TLN1: variants seen among roughly 807,000 people sequenced by gnomAD.
The protein encoded by TLN1 is talin-1.
A neutral mutation model predicts 292.3 loss-of-function variants in TLN1; 56 were observed. That is an observed-to-expected ratio of 0.19 (90% confidence interval 0.15 to 0.24). The LOEUF is 0.24. TLN1 is among the 10% of genes least tolerant of loss of function. TLN1 has a pLI of 1.00. For missense variants in TLN1, 2,433 were observed against 3,248.2 expected, an observed-to-expected ratio of 0.75 and a Z score of 6.10; for synonymous variants, 1,119 against 1,253.7, an observed-to-expected ratio of 0.89 and a Z score of 2.27.
chr9:35,715,077 C>T lies in TLN1; in HGVS notation c.2736G>A (p.Lys912=). The change falls in exon 21 of 57, where the codon AAG becomes AAA. Residue 912 remains lysine (K), a synonymous_variant. Transcript: ENST00000314888. ...NAAAQNAIKK[K]LVQRLEHAAK... is the part of the protein sequence containing the mutation. ...GCCTCACCTCCAGGCGCTGCACCAGCTTTTTCTTGATGGCATTCTGCGCAG... is the reference window on the plus strand; with the variant it reads ...GCCTCACCTCCAGGCGCTGCACCAGTTTTTTCTTGATGGCATTCTGCGCAG... 6.2e-7 allele frequency: 1 copy of T among 1,613,140 alleles called. No homozygotes were observed. The highest frequency in any genetic ancestry group is 8.5e-7 in the Non-Finnish European group (1 of 1,180,048).
Position 35,710,985 on chromosome 9 carries a change from C to G in TLN1, c.4113+4G>C. On this transcript the variant is annotated splice_donor_region_variant and intron_variant, in intron 31 of 56. Transcript: ENST00000314888. ...TCAATGCCATCAGCCTGCCATGTGT[C>G]TACCTCCAATTCCCGCAGGGCGTTA... 6.2e-7 allele frequency: 1 copy of G among 1,614,206 alleles called. No individual in the cohort carries two copies. Among genetic ancestry groups the G allele is most frequent in the Non-Finnish European group, 8.5e-7 (1 of 1,180,034 alleles).
At position 35,704,524 on chromosome 9, in the gene TLN1, C is replaced by T. The variant is rs538258188; in HGVS notation, c.5881-26G>A. On this transcript the variant is annotated intron_variant, in intron 44 of 56. Transcript: ENST00000314888. This position sits in a 1 kb window ranked among gnomAD's most constrained non-coding sequence, Gnocchi z 6.9. Reference sequence around the variant, plus strand: ...CTGGGTAGGGAATGTCACATGGTGACTGTGGAAGGTGCCATGTGAAATGGA... The same window carrying T: ...CTGGGTAGGGAATGTCACATGGTGATTGTGGAAGGTGCCATGTGAAATGGA... 6.3e-7 allele frequency: 1 copy of T among 1,591,476 alleles called. No homozygotes were observed.
chr9:35,724,026 A>G lies in TLN1; in HGVS notation c.708T>C (p.Cys236=). Reference sequence around the variant, plus strand: ...TCTGGCATTGGAAGCCAGCAAACTCACAGGCCTTGTCAAAGGAGACAGGGT... The same window carrying G: ...TCTGGCATTGGAAGCCAGCAAACTCGCAGGCCTTGTCAAAGGAGACAGGGT... ...GSHPVSFDKA[C]EFAGFQCQIQ... The change falls in exon 7 of 57, where the codon TGT becomes TGC. Residue 236 remains cysteine (C), a synonymous_variant. Transcript: ENST00000314888. The surrounding 1 kb of genome is among the most constrained non-coding windows in gnomAD (Gnocchi z 4.7). The G allele has an allele frequency of 6.2e-7, 1 of 1,614,002 alleles. No individual in the cohort carries two copies. Among genetic ancestry groups the G allele is most frequent in the Non-Finnish European group, 8.5e-7 (1 of 1,179,940 alleles).
rs1032292718 is a variant in TLN1 at position 35,711,244 on chromosome 9, C to A, written c.4019+11G>T. On this transcript the variant is annotated intron_variant, in intron 30 of 56. Coordinates refer to ENST00000314888, the MANE Select transcript of TLN1 (RefSeq NM_006289.4). Reference sequence around the variant, plus strand: ...CACAGTCCAGGGCTGGGCTTCTCAGCAACTACTTACCTGGCAGCTGCAGCC... The same window carrying A: ...CACAGTCCAGGGCTGGGCTTCTCAGAAACTACTTACCTGGCAGCTGCAGCC... The A allele has an allele frequency of 3.1e-6, 5 of 1,613,936 alleles. No homozygotes were observed. The highest frequency in any genetic ancestry group is 4.2e-6 in the Non-Finnish European group (5 of 1,180,048).
In TLN1 at chr9:35,704,127, A is replaced by C. The variant is rs754612816; in HGVS notation, c.6095T>G (p.Val2032Gly). The change falls in exon 46 of 57, where the codon GTC becomes GGC. Residue 2032 changes from valine (V) to glycine (G), a missense_variant. By Grantham distance (109) the Val-to-Gly change is moderately radical. Coordinates refer to ENST00000314888, the MANE Select transcript of TLN1 (RefSeq NM_006289.4). This position sits in a 1 kb window ranked among gnomAD's most constrained non-coding sequence, Gnocchi z 6.9. ...TAKVLVEDTK[V>G]LVQNAAGSQE... is the part of the protein sequence containing the mutation. ...GCTCCCAGCTGCGTTTTGCACCAGGACCTTGGTGTCCTCCACCAGCACCTT... is the reference window on the plus strand; with the variant it reads ...GCTCCCAGCTGCGTTTTGCACCAGGCCCTTGGTGTCCTCCACCAGCACCTT... The C allele has an allele frequency of 1.2e-5, 19 of 1,612,350 alleles. No individual in the cohort carries two copies. Among genetic ancestry groups the C allele is most frequent in the Non-Finnish European group, 1.6e-5 (19 of 1,179,150 alleles).
At chr9:35,710,740 C>T (rs1825653546) in intron 32 of TLN1, 57 bp from the exon 33 acceptor site, 1 of 1,613,050 alleles carries the variant, frequency 6.2e-7, no homozygotes, top group Non-Finnish European at 8.5e-7. Flanking sequence ...CCCAGGGCAG[C>T]ATCTGGTTAG....
intron 27 of TLN1, 147 bp from the exon 28 acceptor site, chr9:35,712,271 G>T: frequency 8.5e-7 from 1 of 1,172,932 alleles, no homozygotes; most frequent in Non-Finnish European, 1.2e-6. Flanking sequence ...CTGAGGTTAG[G>T]GTTTCAAGTG....
Position 35,719,362 on chromosome 9 carries a change from CAGTT to C in TLN1, c.1688-84_1688-81del. On this transcript the variant is annotated intron_variant, in intron 15 of 56. Transcript: ENST00000314888. The surrounding 1 kb of genome is among the most constrained non-coding windows in gnomAD (Gnocchi z 4.6). ...GCTGGGGAGGGAGCAAAGTCACACC[CAGTT>C]AGTCACACACATGTCCACAGAAAGA... 1 of 1,424,702 alleles carries C rather than the reference CAGTT, an allele frequency of 7.0e-7. No homozygotes were observed. The highest frequency in any genetic ancestry group is 9.8e-7 in the Non-Finnish European group (1 of 1,018,440). The allele number at this position is 1,424,702 out of a possible 1,614,324, so 88.3% of individuals were successfully genotyped here.
At chr9:35,725,354 G>A (rs1200363347) in intron 2 of TLN1, 33 bp from the exon 3 acceptor site, 17 of 1,605,678 alleles carry the variant, frequency 1.1e-5, no homozygotes, top group Non-Finnish European at 1.4e-5. Context: ...TTAGGCTTAT[G>A]AAGACCCCAA....
rs758237462 is a variant in TLN1, at chr9:35,704,707, T to C, written c.5842A>G (p.Lys1948Glu). ...CTCCGGGCACACTCTATGAGCTCCTTCTTGGTGTAGGCATCACTGGGGCTG... is the reference window on the plus strand; with the variant it reads ...CTCCGGGCACACTCTATGAGCTCCTCCTTGGTGTAGGCATCACTGGGGCTG... Reference protein sequence around the residue: ...QCSPSDAYTKKELIECARRVS... With the variant: ...QCSPSDAYTKEELIECARRVS... Residue 1948 changes from lysine to glutamate, a missense_variant, in exon 44 of 57, where the codon AAG (lysine) becomes GAG (glutamate). Transcript: ENST00000314888. This position sits in a 1 kb window ranked among gnomAD's most constrained non-coding sequence, Gnocchi z 6.9. 6.2e-6 allele frequency: 10 copies of C among 1,613,982 alleles called. No individual in the cohort carries two copies. Among genetic ancestry groups the C allele is most frequent in the East Asian group, 2.2e-5 (1 of 44,880 alleles).
In TLN1 at chr9:35,719,802, C is replaced by A; in HGVS notation, c.1516G>T (p.Val506Leu). The A allele has an allele frequency of 2.5e-6, 4 of 1,602,656 alleles. No homozygotes were observed. Among genetic ancestry groups the A allele is most frequent in the Non-Finnish European group, 3.4e-6 (4 of 1,174,380 alleles). ...TCCAGGGTGGCCTGGGCAGCCTGCA[C>A]GGCCTGCATGCTGGAGTTAATGGTT... ...TGTINSSMQAVQAAQATLDDF... is the reference protein window; with the variant it reads ...TGTINSSMQALQAAQATLDDF... The change falls in exon 14 of 57, where the codon GTG becomes TTG. Residue 506 changes from valine (V) to leucine (L), a missense_variant. Physicochemically the swap from Val to Leu is conservative, Grantham distance 32. Around this residue, in one of 7 missense-constraint regions of TLN1, gnomAD observed 617 missense variants for 770.6 expected, o/e 0.80. Coordinates refer to ENST00000314888, the MANE Select transcript of TLN1 (RefSeq NM_006289.4). This position sits in a 1 kb window ranked among gnomAD's most constrained non-coding sequence, Gnocchi z 4.6.
chr9:35,706,443 T>C lies in TLN1; in HGVS notation c.5190+7A>G, dbSNP rs1336247578. 6.2e-7 allele frequency: 1 copy of C among 1,614,064 alleles called. No homozygotes were observed. The highest frequency in any genetic ancestry group is 8.5e-7 in the Non-Finnish European group (1 of 1,179,984). ...CCCTGGGACTTCCCATGAGTCTCCA[T>C]AGGTACCTTGTGTCCCAGCTGGGAG... On this transcript the variant is annotated splice_region_variant and intron_variant, in intron 39 of 56. Transcript: ENST00000314888. The surrounding 1 kb of genome is among the most constrained non-coding windows in gnomAD (Gnocchi z 4.2).
At position 35,706,389 on chromosome 9, in the gene TLN1, G is replaced by C; in HGVS notation, c.5191-23C>G. The C allele has an allele frequency of 6.2e-7, 1 of 1,611,958 alleles. No homozygotes were observed. The highest frequency in any genetic ancestry group is 1.1e-5 in the South Asian group (1 of 90,832). On this transcript the variant is annotated intron_variant, in intron 39 of 56. Coordinates refer to ENST00000314888, the MANE Select transcript of TLN1 (RefSeq NM_006289.4). This position sits in a 1 kb window ranked among gnomAD's most constrained non-coding sequence, Gnocchi z 4.2. ...CACCTGAGGCAAGGGGTTGGACTAG[G>C]GGTCAGGTCCCCTCTCTCTCACCCT... is the stretch of plus-strand genomic sequence containing the variant.
At chr9:35,700,840 C>T (rs4879926) in intron 48 of TLN1, among the ~76,000 whole-genome samples, 141,425 of 152,300 alleles carry the variant, frequency 0.93, 66,117 homozygotes, top group Non-Finnish European at 0.98. Flanking sequence ...TTTTGATGTA[C>T]GGGTTCAATC....
At position 35,714,997 on chromosome 9, in the gene TLN1, C is replaced by G; in HGVS notation, c.2754+62G>C. 1 of 1,611,850 alleles carries G rather than the reference C, an allele frequency of 6.2e-7. No individual in the cohort carries two copies. The highest frequency in any genetic ancestry group is 8.5e-7 in the Non-Finnish European group (1 of 1,179,992). On this transcript the variant is annotated intron_variant, in intron 21 of 56. Transcript: ENST00000314888. The surrounding 1 kb of genome is among the most constrained non-coding windows in gnomAD (Gnocchi z 4.6). Reference sequence around the variant, plus strand: ...TAACTTACTCTCCGCACCTCCCTTTCAGTTCATTCCTCCCACAGCACCCAC... The same window carrying G: ...TAACTTACTCTCCGCACCTCCCTTTGAGTTCATTCCTCCCACAGCACCCAC...
At position 35,717,029 on chromosome 9, in the gene TLN1, G is replaced by A; in HGVS notation, c.2458+117C>T. 1 of 1,185,990 alleles carries A rather than the reference G, an allele frequency of 8.4e-7. No individual in the cohort carries two copies. Among genetic ancestry groups the A allele is most frequent in the Non-Finnish European group, 1.2e-6 (1 of 852,272 alleles). 73.5% of individuals were successfully genotyped at this position (1,185,990 alleles called of 1,614,324 possible). On this transcript the variant is annotated intron_variant, in intron 19 of 56. Transcript: ENST00000314888. The surrounding 1 kb of genome is among the most constrained non-coding windows in gnomAD (Gnocchi z 4.7). ...GAGCCTATGGTTGTGTGGCTGGCAA[G>A]CCCACACTGTGCTGAGTTCCTTGGG... is the stretch of plus-strand genomic sequence containing the variant.
chr9:35,725,026 G>A, intron 3 of TLN1, 67 bp from the exon 4 acceptor site: 1 of 1,606,300 alleles, frequency 6.2e-7, no homozygotes. Flanking sequence ...TCTTTACACA[G>A]CCCGAGGGGA....
chr9:35,697,439 G>T lies in TLN1; in HGVS notation c.*352C>A. 3.8e-6 allele frequency: 1 copy of T among 262,768 alleles called. No individual in the cohort carries two copies. 16.3% of individuals were successfully genotyped at this position (262,768 alleles called of 1,614,324 possible). A position where few individuals can be genotyped will look rare whatever the true frequency, so the allele number is the denominator to read the frequency against. On this transcript the variant is annotated 3_prime_UTR_variant, in exon 57 of 57. Coordinates refer to ENST00000314888, the MANE Select transcript of TLN1 (RefSeq NM_006289.4). ...GTGGGGGAAGATAGTATCAAAAAAC[G>T]GTGAAGAGAGCTGATGAGGCTGTGG...
chr9:35,713,718 GA>G (rs1825719771), intron 25 of TLN1, among the ~76,000 whole-genome samples: 1 of 131,202 alleles, frequency 7.6e-6, no homozygotes, highest in Non-Finnish European at 1.6e-5. Flanking sequence ...GAAAAGAAAA[GA>G]AAAGAGAAAA....
Sources: gnomAD v4.1 joint callset for allele counts (sites outside exome capture counted in the v4.1 genomes callset) on GRCh38, gnomAD v4.1.1 for gene constraint, gnomAD v4.1.1 regional missense constraint, Gnocchi (gnomAD v3.1) non-coding constraint, MANE v1.5 for transcripts, NCBI Gene and HGNC (gene_info 2026-07-23, HGNC 2026-07-21) for gene names.